SEMA3D: variants seen among roughly 807,000 people sequenced by gnomAD.
SEMA3D encodes semaphorin-3D.
Under a neutral mutation model 100.1 loss-of-function variants are expected in SEMA3D, and 84 were observed. That is an observed-to-expected ratio of 0.84 (90% CI 0.70 to 1.01). The LOEUF is 1.01. SEMA3D is among the 50% of genes least tolerant of loss of function. The pLI, the probability that SEMA3D is intolerant of heterozygous loss-of-function variation, is 0.00. For missense variants in SEMA3D, 875 were observed against 934.1 expected, an observed-to-expected ratio of 0.94 and a Z score of 0.82; for synonymous variants, 312 against 320.7, an observed-to-expected ratio of 0.97 and a Z score of 0.29.
chr7:85,051,564 C>T (rs1339339632), intron 9 of SEMA3D, among the ~76,000 whole-genome samples: 1 of 151,860 alleles, frequency 6.6e-6, no homozygotes, highest in Admixed American at 6.6e-5. Context: ...TCTTGCACTA[C>T]AAATCTTCCT....
At chr7:85,078,306 AGGAAGGAAGGAAAGAAGGAAGGAG>A (rs1405837366) in intron 5 of SEMA3D, among the ~76,000 whole-genome samples, 1 of 151,942 alleles carries the variant, frequency 6.6e-6, no homozygotes. Context: ...AGAAAGTGAG[AGGAAGGAAGGAAAGAAGGAAGGAG>A]GGAAGGAAGG....
intron 1 of SEMA3D, among the ~76,000 whole-genome samples, chr7:85,156,552 A>G (rs1013988057): frequency 6.6e-6 from 1 of 152,168 alleles, no homozygotes; most frequent in Non-Finnish European, 1.5e-5. Context: ...TCGCTTTAAG[A>G]CCTATGGTCT....
intron 12 of SEMA3D, among the ~76,000 whole-genome samples, chr7:85,024,087 C>G (rs181962231): frequency 6.6e-6 from 1 of 151,954 alleles, no homozygotes; most frequent in African/African-American, 2.4e-5. Context: ...AGCACTTAAC[C>G]TTCAGCCAAG....
intron 1 of SEMA3D, among the ~76,000 whole-genome samples, chr7:85,186,433 G>A (rs1317227604): frequency 6.6e-6 from 1 of 152,174 alleles, no homozygotes; most frequent in Non-Finnish European, 1.5e-5. Flanking sequence ...TGCTGAGGCG[G>A]GGTGGGACTG....
chr7:85,012,516 T>C (rs1223376201), intron 17 of SEMA3D, among the ~76,000 whole-genome samples: 1 of 151,730 alleles, frequency 6.6e-6, no homozygotes, highest in African/African-American at 2.4e-5. Context: ...TAAGGATGGA[T>C]AAGGTAGTAA....
intron 12 of SEMA3D, chr7:85,029,429 TTCAAG>T: frequency 1.3e-6 from 1 of 782,644 alleles, no homozygotes; most frequent in South Asian, 1.3e-5. Flanking sequence ...GATGAGAAAC[TTCAAG>T]TCAAGATTAA....
intron 7 of SEMA3D, among the ~76,000 whole-genome samples, chr7:85,066,913 C>CATACACACACAGAGAG: frequency 2.4e-4 from 31 of 127,756 alleles, no homozygotes; most frequent in African/African-American, 6.9e-4. Context: ...CACACACACA[C>CATACACACACAGAGAG]AGAGAGAGAG....
At chr7:85,016,371 A>AC (rs1455383959) in intron 15 of SEMA3D, among the ~76,000 whole-genome samples, 7 of 151,006 alleles carry the variant, frequency 4.6e-5, no homozygotes, top group Non-Finnish European at 8.9e-5. Context: ...AAATGTAATA[A>AC]CCCCCCCTAA....
chr7:85,187,146 A>G (rs1791581796), upstream of SEMA3D, among the ~76,000 whole-genome samples: 1 of 151,546 alleles, frequency 6.6e-6, no homozygotes, highest in East Asian at 1.9e-4. Context: ...TGCGCACGCC[A>G]GAACTCCCAA....
At chr7:85,119,676 T>C (rs1035508664) in intron 3 of SEMA3D, among the ~76,000 whole-genome samples, 2 of 152,130 alleles carry the variant, frequency 1.3e-5, no homozygotes, top group Non-Finnish European at 2.9e-5. Flanking sequence ...TTGATACCTG[T>C]TTGACGAAAT....
At chr7:85,044,233 T>G (rs1790941570) in intron 9 of SEMA3D, among the ~76,000 whole-genome samples, 1 of 151,926 alleles carries the variant, frequency 6.6e-6, no homozygotes, top group African/African-American at 2.4e-5. Flanking sequence ...CAAGAGAATT[T>G]GAAATCTTAT....
chr7:85,142,573 A>AC, intron 2 of SEMA3D: 1 of 984,398 alleles, frequency 1.0e-6, no homozygotes, highest in South Asian at 4.7e-5. Context: ...CAAGAGCAGA[A>AC]CGTAGACAAG....
chr7:85,056,362 G>A (rs1791318085), intron 8 of SEMA3D, among the ~76,000 whole-genome samples: 1 of 151,852 alleles, frequency 6.6e-6, no homozygotes, highest in Admixed American at 6.6e-5. Context: ...TAAACTTTCT[G>A]AATTTATCTC....
the SEMA3D span, among the ~76,000 whole-genome samples, chr7:85,249,974 G>C: frequency 2.0e-5 from 3 of 152,140 alleles, no homozygotes; most frequent in Non-Finnish European, 4.4e-5. Context: ...ATCTCACTAG[G>C]AAGTGCCAGA....
At chr7:85,161,878 A>G (rs865882687) in intron 1 of SEMA3D, among the ~76,000 whole-genome samples, 4 of 152,136 alleles carry the variant, frequency 2.6e-5, no homozygotes, top group African/African-American at 9.6e-5. Context: ...ATTAAAACTC[A>G]AAGTGAAGAT....
chr7:85,245,821 A>G, the SEMA3D span, among the ~76,000 whole-genome samples: 1 of 152,150 alleles, frequency 6.6e-6, no homozygotes, highest in Non-Finnish European at 1.5e-5. Flanking sequence ...CAATTAAGGT[A>G]TTTCTCACAT....
intron 18 of SEMA3D, among the ~76,000 whole-genome samples, chr7:85,005,685 T>C (rs182114149): frequency 6.6e-6 from 1 of 152,104 alleles, no homozygotes; most frequent in African/African-American, 2.4e-5. Context: ...GAGATTTTTC[T>C]TTTACTGTGA....
chr7:85,209,524 C>T, the SEMA3D span, among the ~76,000 whole-genome samples: 1 of 151,930 alleles, frequency 6.6e-6, no homozygotes, highest in Non-Finnish European at 1.5e-5. Context: ...ATTAGATGCT[C>T]TGTTTCTCAC....
chr7:85,045,376 G>T (rs1466771315), intron 9 of SEMA3D, among the ~76,000 whole-genome samples: 1 of 151,978 alleles, frequency 6.6e-6, no homozygotes, highest in Non-Finnish European at 1.5e-5. Context: ...AAAAAATTTA[G>T]TAATTGGCAA....
Sources: gnomAD v4.1 joint callset for allele counts (sites outside exome capture counted in the v4.1 genomes callset) on GRCh38, gnomAD v4.1.1 for gene constraint, MANE v1.5 for transcripts, NCBI Gene and HGNC (gene_info 2026-07-23, HGNC 2026-07-21) for gene names.